Variants in ANO2 observed in about 807,000 individuals in gnomAD.
ANO2 encodes anoctamin 2, also known as anoctamin-2.
In ANO2, 101 loss-of-function variants were observed where a neutral mutation model predicts 124.2. The observed-to-expected ratio is 0.81, with a 90% CI of 0.69 to 0.96. ANO2 has a LOEUF of 0.96. Among genes scored for constraint, ANO2 ranks in the 40% least tolerant of loss-of-function variants. ANO2 has a pLI of 0.00. For synonymous variants in ANO2, 486 were observed against 482.5 expected (o/e 1.01, Z -0.09); for missense variants, 1,293 against 1,274.5 (o/e 1.01, Z -0.22).
At chr12:5,576,434 C>T (rs1016046513) in intron 22 of ANO2, among the ~76,000 whole-genome samples, 2 of 152,198 alleles carry the variant, frequency 1.3e-5, no homozygotes, top group Non-Finnish European at 2.9e-5. Flanking sequence ...TGTACATCTG[C>T]CCCTGAGTAG....
chr12:5,930,063 G>C (rs1942287478), intron 1 of ANO2, among the ~76,000 whole-genome samples: 2 of 117,736 alleles, frequency 1.7e-5, no homozygotes, highest in Non-Finnish European at 3.7e-5. Flanking sequence ...TTCCTTACTA[G>C]TCTACCTTCT....
intron 14 of ANO2, among the ~76,000 whole-genome samples, chr12:5,708,188 C>T (rs962081406): frequency 2.6e-5 from 4 of 151,778 alleles, no homozygotes; most frequent in Non-Finnish European, 5.9e-5. Flanking sequence ...AATCTTCAGT[C>T]GTATCTACAC....
At chr12:5,921,968 T>C (rs1446056067) in intron 2 of ANO2, among the ~76,000 whole-genome samples, 3 of 152,152 alleles carry the variant, frequency 2.0e-5, no homozygotes, top group Non-Finnish European at 4.4e-5. Context: ...CTGGATCCAT[T>C]GGAACAAAGA....
intron 7 of ANO2, among the ~76,000 whole-genome samples, chr12:5,807,936 T>C (rs1953253063): frequency 6.6e-6 from 1 of 152,188 alleles, no homozygotes; most frequent in South Asian, 2.1e-4. Flanking sequence ...AGGAAAACTA[T>C]TTTTCTAACA....
At chr12:5,840,513 C>T (rs1954481030) in intron 4 of ANO2, among the ~76,000 whole-genome samples, 1 of 152,158 alleles carries the variant, frequency 6.6e-6, no homozygotes, top group South Asian at 2.1e-4. Context: ...GATTAAAAAA[C>T]ACTGAGGCAC....
At chr12:5,833,446 T>C (rs1308096682) in intron 4 of ANO2, among the ~76,000 whole-genome samples, 1 of 152,198 alleles carries the variant, frequency 6.6e-6, no homozygotes, top group South Asian at 2.1e-4. Flanking sequence ...AGCATCTCTG[T>C]TCCCACCCCC....
chr12:5,742,036 A>G (rs1466445249), intron 12 of ANO2, among the ~76,000 whole-genome samples: 2 of 152,066 alleles, frequency 1.3e-5, no homozygotes, highest in South Asian at 4.2e-4. Context: ...TCTCTTTCCC[A>G]ACATACCCTG....
intron 3 of ANO2, among the ~76,000 whole-genome samples, chr12:5,877,976 C>T (rs1025623245): frequency 4.6e-5 from 7 of 152,218 alleles, no homozygotes; most frequent in African/African-American, 1.7e-4. Flanking sequence ...CCTCCACTAC[C>T]GGCCCACGGC....
chr12:5,635,076 AT>A lies in ANO2; in HGVS notation c.1816+75del. ...ATCCTGTCCCTGTCCCATTTTTTTT[AT>A]TTTATCACCAAAAGCCTTGCACGCA... is the stretch of plus-strand genomic sequence containing the variant. On this transcript the variant is annotated intron_variant, in intron 16 of 24. Coordinates refer to ENST00000682330, the MANE Select transcript of ANO2 (RefSeq NM_001364791.2). This position sits in a 1 kb window ranked among gnomAD's most constrained non-coding sequence, Gnocchi z 5.2. 1.5e-6 allele frequency: 2 copies of A among 1,312,708 alleles called. No homozygotes were observed. Among genetic ancestry groups the A allele is most frequent in the Non-Finnish European group, 2.0e-6 (2 of 989,206 alleles). The allele number at this position is 1,312,708 out of a possible 1,614,324, so 81.3% of individuals were successfully genotyped here.
At chr12:5,571,191 C>G (rs1278870734) in intron 23 of ANO2, among the ~76,000 whole-genome samples, 1 of 152,240 alleles carries the variant, frequency 6.6e-6, no homozygotes, top group Non-Finnish European at 1.5e-5. Flanking sequence ...AGCTCTGAGA[C>G]AAGATATCTA....
At chr12:5,788,331 A>C (rs899693964) in intron 10 of ANO2, among the ~76,000 whole-genome samples, 11 of 152,230 alleles carry the variant, frequency 7.2e-5, no homozygotes, top group Non-Finnish European at 2.9e-5. Context: ...GTTATGCAAC[A>C]TCAATGTAAT....
intron 14 of ANO2, among the ~76,000 whole-genome samples, chr12:5,722,002 A>G (rs981392873): frequency 1.3e-5 from 2 of 152,256 alleles, no homozygotes; most frequent in African/African-American, 4.8e-5. Flanking sequence ...ATATGCGTAA[A>G]TTGAAATAAA....
At chr12:5,599,244 C>A (rs1022410216) in intron 20 of ANO2, among the ~76,000 whole-genome samples, 1 of 152,214 alleles carries the variant, frequency 6.6e-6, no homozygotes, top group African/African-American at 2.4e-5. Flanking sequence ...AGAACATCAT[C>A]CTAGAATTAT....
chr12:5,683,188 T>C (rs961607385), intron 14 of ANO2, among the ~76,000 whole-genome samples: 1 of 152,152 alleles, frequency 6.6e-6, no homozygotes, highest in African/African-American at 2.4e-5. Context: ...AAGTCTTCCA[T>C]CTCCTTCTCT....
At chr12:5,709,880 G>A (rs920071889) in intron 14 of ANO2, among the ~76,000 whole-genome samples, 2 of 152,200 alleles carry the variant, frequency 1.3e-5, no homozygotes, top group African/African-American at 4.8e-5. Context: ...TAGGCGCTGG[G>A]AGATGGCCCA....
In ANO2 at chr12:5,923,196, GCACGCACACACACCCA is replaced by G. The variant is rs1941883648; in HGVS notation, c.23-408_23-393del. The stretch of plus-strand genomic sequence containing the variant: ...CACGCACACACACATACACACACAC[GCACGCACACACACCCA>G]CATACACACACACATGCACACATAC... On this transcript the variant is annotated intron_variant, in intron 1 of 24. Transcript: ENST00000682330. 5.8e-5 allele frequency among the ~76,000 whole-genome samples: 2 copies of G among 34,298 alleles called. 1 individual carries two copies. Among genetic ancestry groups the G allele is most frequent in the Non-Finnish European group, 1.8e-4 (2 of 11,168 alleles). The allele number at this position is 34,298 out of a possible 152,430, so 22.5% of individuals were successfully genotyped here. A position where few individuals can be genotyped will look rare whatever the true frequency, so the allele number is the denominator to read the frequency against.
At chr12:5,931,496 G>T (rs1942382494) in intron 1 of ANO2, among the ~76,000 whole-genome samples, 1 of 151,274 alleles carries the variant, frequency 6.6e-6, no homozygotes, top group South Asian at 2.1e-4. Flanking sequence ...AAGGAAAGAA[G>T]GCAGACGAGT....
chr12:5,803,047 T>C (rs1953089003), intron 9 of ANO2, among the ~76,000 whole-genome samples: 1 of 152,170 alleles, frequency 6.6e-6, no homozygotes, highest in African/African-American at 2.4e-5. Context: ...CAATGCCAGA[T>C]AACATGAAGG....
chr12:5,812,494 AAGAAAGGGAGGGAGGGAAGGAGGAAGG>A, intron 7 of ANO2, among the ~76,000 whole-genome samples: 3 of 96,026 alleles, frequency 3.1e-5, no homozygotes, highest in Admixed American at 3.0e-4. Context: ...GGAAGGAAGG[AAGAAAGGGAGGGAGGGAAGGAGGAAGG>A]GAGGGAGGGA....
Sources: allele counts gnomAD v4.1 joint callset (sites outside exome capture counted in the v4.1 genomes callset), GRCh38; gene constraint gnomAD v4.1.1; non-coding constraint Gnocchi (gnomAD v3.1); transcripts MANE v1.5; gene names NCBI Gene and HGNC (gene_info 2026-07-23, HGNC 2026-07-21).